The following CHST9 variants were observed in gnomAD, a reference collection of about 807,000 sequenced individuals.
CHST9 encodes GalNAc-4-sulfotransferase 2.
Under a neutral mutation model 44.4 loss-of-function variants are expected in CHST9, and 41 were observed. The ratio of observed to expected loss-of-function variants is 0.92; its 90% CI spans 0.72 to 1.20. CHST9 has a LOEUF of 1.20. Ranked by LOEUF, CHST9 falls within the 50% of genes most tolerant of loss-of-function variation. The pLI, the probability that CHST9 is intolerant of heterozygous loss-of-function variation, is 0.00. For missense variants in CHST9, 504 were observed against 516.5 expected, an observed-to-expected ratio of 0.98 and a Z score of 0.23; for synonymous variants, 171 against 178.4, an observed-to-expected ratio of 0.96 and a Z score of 0.33.
intron 2 of CHST9, among the ~76,000 whole-genome samples, chr18:27,126,625 A>G (rs1297777849): frequency 1.3e-5 from 2 of 152,148 alleles, no homozygotes; most frequent in Non-Finnish European, 2.9e-5. Context: ...GCCAGAAATG[A>G]GCCTAAAGAG....
intron 2 of CHST9, among the ~76,000 whole-genome samples, chr18:27,053,139 A>AGAAGAAGAAGAAGAAGAAGAAGAAGAG (rs2057591660): frequency 8.9e-6 from 1 of 112,136 alleles, no homozygotes; most frequent in Non-Finnish European, 1.8e-5. Context: ...AGGAAGAAGA[A>AGAAGAAGAAGAAGAAGAAGAAGAAGAG]GAAGAAGAAG....
chr18:27,082,109 C>T (rs1164895543), intron 2 of CHST9, among the ~76,000 whole-genome samples: 3 of 152,136 alleles, frequency 2.0e-5, no homozygotes, highest in African/African-American at 7.2e-5. Flanking sequence ...ACCTAAGAAA[C>T]ATATTAAGTA....
At position 27,003,902 on chromosome 18, in the gene CHST9, C is replaced by A. The variant is rs547253877; in HGVS notation, c.202+20214G>T. Among the ~76,000 whole-genome samples the A allele has an allele frequency of 7.9e-5, 12 of 151,968 alleles. No homozygotes were observed. In the South Asian group the frequency reaches 2.5e-3, roughly 32 times the overall value. On this transcript the variant is annotated intron_variant, in intron 4 of 5. Coordinates refer to ENST00000618847, the MANE Select transcript of CHST9 (RefSeq NM_031422.6). ...TGTGTTATTTGCTCCAATTTTTCTC[C>A]CCATTTACTTGATCAGTGTGAGAAA...
intron 5 of CHST9, among the ~76,000 whole-genome samples, chr18:26,939,800 T>A (rs559177113): frequency 2.1e-4 from 32 of 152,246 alleles, no homozygotes; most frequent in African/African-American, 7.7e-4. Context: ...TCTGCCCCCA[T>A]CAAGGATGGA....
At chr18:27,071,088 C>T (rs1454584027) in intron 2 of CHST9, among the ~76,000 whole-genome samples, 1 of 152,126 alleles carries the variant, frequency 6.6e-6, no homozygotes, top group Non-Finnish European at 1.5e-5. Flanking sequence ...GAATGATTTC[C>T]TTCCACTATC....
At chr18:27,060,411 C>G (rs2057707835) in intron 2 of CHST9, among the ~76,000 whole-genome samples, 2 of 152,182 alleles carry the variant, frequency 1.3e-5, no homozygotes, top group Non-Finnish European at 2.9e-5. Flanking sequence ...GAATTGCTGA[C>G]TTCAGAAAAA....
chr18:27,176,411 G>A lies in CHST9; in HGVS notation c.-97+8725C>T, dbSNP rs144172385. Among the ~76,000 whole-genome samples the A allele has an allele frequency of 9.4e-3, 1,429 of 152,030 alleles. 81 individuals carry two copies. The highest frequency in any genetic ancestry group is 0.084 in the Admixed American group (1,286 of 15,238). ...TGGTGAATGCTTACACTTGTGTGAC[G>A]GCAGAGGCAGATTTTTGTAATTAAT... On this transcript the variant is annotated intron_variant, in intron 1 of 5. Transcript: ENST00000618847.
chr18:26,982,953 A>G (rs1235574111), intron 4 of CHST9, among the ~76,000 whole-genome samples: 1 of 152,168 alleles, frequency 6.6e-6, no homozygotes, highest in Non-Finnish European at 1.5e-5. Context: ...AGACAATTAC[A>G]AAGTGATGTG....
chr18:27,159,324 T>G (rs140238837), intron 1 of CHST9, among the ~76,000 whole-genome samples: 3 of 152,358 alleles, frequency 2.0e-5, no homozygotes, highest in African/African-American at 7.2e-5. Flanking sequence ...GCTTTCTACA[T>G]GTGGCTAGCT....
intron 3 of CHST9, among the ~76,000 whole-genome samples, chr18:27,047,113 T>G (rs2057510825): frequency 6.6e-6 from 1 of 152,048 alleles, no homozygotes; most frequent in Admixed American, 6.6e-5. Context: ...TTGTCCTGCC[T>G]CTGTCTCTAA....
chr18:26,946,141 T>C (rs2056159029), intron 4 of CHST9, among the ~76,000 whole-genome samples: 1 of 152,202 alleles, frequency 6.6e-6, no homozygotes, highest in Non-Finnish European at 1.5e-5. Context: ...TGATATGTTT[T>C]AGATTTCTTT....
At chr18:27,105,224 A>C (rs970313426) in intron 2 of CHST9, among the ~76,000 whole-genome samples, 1 of 152,154 alleles carries the variant, frequency 6.6e-6, no homozygotes, top group Non-Finnish European at 1.5e-5. Flanking sequence ...AGTTTGCATA[A>C]TAAAGACAGA....
At chr18:27,069,972 G>A (rs1456427721) in intron 2 of CHST9, among the ~76,000 whole-genome samples, 1 of 152,150 alleles carries the variant, frequency 6.6e-6, no homozygotes, top group African/African-American at 2.4e-5. Flanking sequence ...TACCATTTTA[G>A]CAACAGTGCC....
chr18:27,167,124 ATC>A (rs1170599043), intron 1 of CHST9, among the ~76,000 whole-genome samples: 1 of 152,236 alleles, frequency 6.6e-6, no homozygotes, highest in Non-Finnish European at 1.5e-5. Flanking sequence ...TAGGAATTTC[ATC>A]TCCTGCTTTG....
chr18:27,143,689 A>G (rs2058587688), intron 1 of CHST9, among the ~76,000 whole-genome samples: 2 of 152,260 alleles, frequency 1.3e-5, no homozygotes, highest in Admixed American at 1.3e-4. Flanking sequence ...ATAAAATGCC[A>G]AAGTGTTCAT....
chr18:27,126,562 G>C (rs1267232994), intron 2 of CHST9, among the ~76,000 whole-genome samples: 1 of 152,148 alleles, frequency 6.6e-6, no homozygotes, highest in Non-Finnish European at 1.5e-5. Flanking sequence ...ATGGTCAGTT[G>C]AGAAACTGAA....
At chr18:27,128,227 C>T (rs17633053) in intron 2 of CHST9, among the ~76,000 whole-genome samples, 7,006 of 152,100 alleles carry the variant, frequency 0.046, 222 homozygotes, top group Non-Finnish European at 0.072. Flanking sequence ...CTTCATGACC[C>T]GAGCAAAACA....
In CHST9 at chr18:26,972,244, C is replaced by T. The variant is rs28617537; in HGVS notation, c.203-27878G>A. Among the ~76,000 whole-genome samples, 1,202 of 150,766 alleles carry T rather than the reference C, an allele frequency of 8.0e-3. 21 individuals are homozygous for T. Among genetic ancestry groups the T allele is most frequent in the African/African-American group, 0.028 (1,147 of 41,024 alleles). ...TGATAGCACGGGCCTGTAGTCCCAG[C>T]TACTCGGGAGGGTGAGGCAAGAGAA... is the stretch of plus-strand genomic sequence containing the variant. On this transcript the variant is annotated intron_variant, in intron 4 of 5. Transcript: ENST00000618847.
chr18:27,027,698 T>C (rs1255212102), intron 3 of CHST9, among the ~76,000 whole-genome samples: 1 of 152,212 alleles, frequency 6.6e-6, no homozygotes, highest in Admixed American at 6.5e-5. Flanking sequence ...CCAGGATTTC[T>C]GCATATAGAA....
Sources: gnomAD v4.1 joint callset for allele counts (sites outside exome capture counted in the v4.1 genomes callset) on GRCh38, gnomAD v4.1.1 for gene constraint, MANE v1.5 for transcripts, NCBI Gene and HGNC (gene_info 2026-07-23, HGNC 2026-07-21) for gene names.